The following SCYL3 variants were observed in gnomAD, a reference collection of about 807,000 sequenced individuals.
SCYL3 encodes the protein SCY1 like pseudokinase 3, also known as protein-associating with the carboxyl-terminal domain of ezrin.
SCYL3 carries 35 observed loss-of-function variants against 73.8 expected under a neutral mutation model. The ratio of observed to expected loss-of-function variants is 0.47; its 90% confidence interval spans 0.36 to 0.63. SCYL3 has a LOEUF of 0.63. Ranked by LOEUF, SCYL3 falls within the 20% of genes least tolerant of loss-of-function variation. SCYL3 has a pLI of 0.00. For synonymous variants in SCYL3, 277 were observed against 295.2 expected (o/e 0.94, Z 0.63); for missense variants, 712 against 798.9 (o/e 0.89, Z 1.31).
chr1:169,863,770 T>C (rs1190922675), intron 9 of SCYL3, among the ~76,000 whole-genome samples: 2 of 152,180 alleles, frequency 1.3e-5, no homozygotes, highest in Non-Finnish European at 2.9e-5. Flanking sequence ...TATAAGGAAA[T>C]TCTAAACTGT....
Position 169,854,252 on chromosome 1 carries a change from CT to C in SCYL3, c.2007+17del. 1 of 1,561,666 alleles carries C rather than the reference CT, an allele frequency of 6.4e-7. No individual in the cohort carries two copies. Among genetic ancestry groups the C allele is most frequent in the Non-Finnish European group, 8.7e-7 (1 of 1,154,732 alleles). The stretch of plus-strand genomic sequence containing the variant: ...ATCCTAAAGCTAGTAGCACAGTTTA[CT>C]CCATAAAAGTACTCACCTCAGTAAT... On this transcript the variant is annotated intron_variant, in intron 12 of 12. Transcript: ENST00000367771.
chr1:169,857,073 T>C (rs919271071), intron 11 of SCYL3, among the ~76,000 whole-genome samples: 1 of 152,150 alleles, frequency 6.6e-6, no homozygotes, highest in African/African-American at 2.4e-5. Flanking sequence ...AGACCAGAAA[T>C]TACTGCTACC....
chr1:169,890,879 G>A (rs1350489457), intron 1 of SCYL3, among the ~76,000 whole-genome samples: 1 of 152,236 alleles, frequency 6.6e-6, no homozygotes, highest in Non-Finnish European at 1.5e-5. Flanking sequence ...GGGACCATGG[G>A]TAAAAGCAAC....
At chr1:169,873,837 G>C in intron 4 of SCYL3, 85 bp from the exon 5 acceptor site, 1 of 929,418 alleles carries the variant, frequency 1.1e-6, no homozygotes, top group Non-Finnish European at 1.7e-6. Flanking sequence ...TAAGCAATGA[G>C]CAATGCAAAC....
chr1:169,862,409 C>T (rs577713173), intron 10 of SCYL3, among the ~76,000 whole-genome samples: 3 of 152,322 alleles, frequency 2.0e-5, no homozygotes, highest in South Asian at 4.1e-4. Context: ...TATAGTTTCT[C>T]CCAGGTTAAG....
chr1:169,881,074 T>C (rs1336901931), intron 2 of SCYL3, among the ~76,000 whole-genome samples: 1 of 152,226 alleles, frequency 6.6e-6, no homozygotes, highest in Non-Finnish European at 1.5e-5. Flanking sequence ...AGGCCACATA[T>C]TTACCTCTTC....
chr1:169,879,987 G>A (rs942348052), intron 2 of SCYL3, among the ~76,000 whole-genome samples: 17 of 151,980 alleles, frequency 1.1e-4, no homozygotes, highest in Non-Finnish European at 2.1e-4. Flanking sequence ...GATCAGAGGG[G>A]CCAGGTTTGG....
intron 5 of SCYL3, among the ~76,000 whole-genome samples, chr1:169,873,327 C>T (rs1251728625): frequency 3.9e-5 from 6 of 152,188 alleles, no homozygotes; most frequent in Non-Finnish European, 7.3e-5. Flanking sequence ...TGTGAGGCCT[C>T]CCCAGCCACA....
At chr1:169,863,399 CAGTG>C (rs1170551718) in intron 9 of SCYL3, among the ~76,000 whole-genome samples, 1 of 152,022 alleles carries the variant, frequency 6.6e-6, no homozygotes, top group Non-Finnish European at 1.5e-5. Flanking sequence ...TATGTTTAAT[CAGTG>C]AGGAATTTCA....
In SCYL3 at chr1:169,851,562, A is replaced by T; in HGVS notation, c.*2151T>A. On this transcript the variant is annotated 3_prime_UTR_variant, in exon 13 of 13. Transcript: ENST00000367771. ...TATACACTGCTGTTGCCAGTTTCTT[A>T]GCTTATACAGTAAAGGTTAGCAGAC... 4.3e-6 allele frequency: 2 copies of T among 466,774 alleles called. No individual in the cohort carries two copies. The highest frequency in any genetic ancestry group is 7.6e-6 in the Non-Finnish European group (2 of 263,786). The allele number at this position is 466,774 out of a possible 1,614,324, so 28.9% of individuals were successfully genotyped here.
At position 169,869,016 on chromosome 1, in the gene SCYL3, A is replaced by G. The variant is rs550608945; in HGVS notation, c.649T>C (p.Phe217Leu). The G allele has an allele frequency of 1.9e-6, 3 of 1,614,116 alleles. No homozygotes were observed. In the South Asian group the frequency reaches 3.3e-5, roughly 18 times the overall value. Residue 217 changes from phenylalanine to leucine, a missense_variant, in exon 7 of 13, where the codon TTT (phenylalanine) becomes CTT (leucine). By Grantham distance (22) the Phe-to-Leu change is conservative. This residue lies in a region of SCYL3 where 342 missense variants were observed against 448.1 expected (regional missense o/e 0.76). Coordinates refer to ENST00000367771, the MANE Select transcript of SCYL3 (RefSeq NM_020423.7). ...AAAGTTGAGTGCAAGGTCTGTTGAA[A>G]GCTGGAGAGAACATCCGCTGAAACT... ...EQVSADVLSS[F>L]QQTLHSTLLN...
At chr1:169,884,451 C>T (rs1231956649) in intron 2 of SCYL3, among the ~76,000 whole-genome samples, 1 of 152,094 alleles carries the variant, frequency 6.6e-6, no homozygotes, top group Non-Finnish European at 1.5e-5. Context: ...GCGCCCACCA[C>T]CATGCCTGGC....
intron 10 of SCYL3, among the ~76,000 whole-genome samples, chr1:169,861,230 G>A (rs907662664): frequency 6.6e-6 from 1 of 152,174 alleles, no homozygotes; most frequent in African/African-American, 2.4e-5. Flanking sequence ...CCCACAATGA[G>A]CCTGGGCTTT....
chr1:169,893,615 C>G (rs1186137957), intron 1 of SCYL3, among the ~76,000 whole-genome samples, 173 bp downstream of exon 1: 1 of 151,860 alleles, frequency 6.6e-6, no homozygotes, highest in African/African-American at 2.4e-5. Flanking sequence ...TGCTCCGAAG[C>G]TGAGAGCACA....
In SCYL3 at chr1:169,855,873, C is replaced by T. The variant is rs1332981036; in HGVS notation, c.1313-909G>A. 1 of 1,613,870 alleles carries T rather than the reference C, an allele frequency of 6.2e-7. No homozygotes were observed. The highest frequency in any genetic ancestry group is 8.5e-7 in the Non-Finnish European group (1 of 1,179,852). ...GATGGGCGTGCTGCCAGAAAAGAAA[C>T]ATTTAGGGAATATGCTAGAGAAGGG... On this transcript the variant is annotated intron_variant, in intron 11 of 12. Transcript: ENST00000367771.
In SCYL3 at chr1:169,852,552, T is replaced by G; in HGVS notation, c.*1161A>C. 1.9e-6 allele frequency: 1 copy of G among 523,812 alleles called. No homozygotes were observed. The highest frequency in any genetic ancestry group is 3.4e-6 in the Non-Finnish European group (1 of 295,272). 32.4% of individuals were successfully genotyped at this position (523,812 alleles called of 1,614,324 possible). A position where few individuals can be genotyped will look rare whatever the true frequency, so the allele number is the denominator to read the frequency against. On this transcript the variant is annotated 3_prime_UTR_variant, in exon 13 of 13. Transcript: ENST00000367771. ...TTGGGAGCCCTTTGGGACAGGATAC[T>G]TGTTGTATACCACATACAAACTAAG...
rs761529560 is a variant in SCYL3 at position 169,852,774 on chromosome 1, T to TATG, written c.*936_*938dup. On this transcript the variant is annotated 3_prime_UTR_variant, in exon 13 of 13. Coordinates refer to ENST00000367771, the MANE Select transcript of SCYL3 (RefSeq NM_020423.7). Reference sequence around the variant, plus strand: ...TTAGAATGGATATTGTGATATTACTTATGTTTTTTTTCCAGCCTTATGCAA... The same window carrying TATG: ...TTAGAATGGATATTGTGATATTACTTATGATGTTTTTTTTCCAGCCTTATGCAA... 26 of 1,612,290 alleles carry TATG rather than the reference T, an allele frequency of 1.6e-5. No individual in the cohort carries two copies. Among genetic ancestry groups the TATG allele is most frequent in the East Asian group, 8.9e-5 (4 of 44,884 alleles).
At position 169,873,607 on chromosome 1, in the gene SCYL3, A is replaced by G. The variant is rs1237724076; in HGVS notation, c.522+89T>C. 110 of 793,222 alleles carry G rather than the reference A, an allele frequency of 1.4e-4. 3 individuals carry two copies. The South Asian group carries it at 1.8e-3, about 13-fold the overall frequency. The allele number at this position is 793,222 out of a possible 1,614,324, so 49.1% of individuals were successfully genotyped here. ...TTATGAGGCATCTATAACTCAGTAA[A>G]GAAAGGAGTAAGCAGAGGAAAGTTT... On this transcript the variant is annotated intron_variant, in intron 5 of 12. Transcript: ENST00000367771.
At chr1:169,893,537 G>A (rs1374517805) in intron 1 of SCYL3, among the ~76,000 whole-genome samples, 1 of 152,114 alleles carries the variant, frequency 6.6e-6, no homozygotes, top group Admixed American at 6.5e-5. Context: ...GGCCGCGGGC[G>A]CCTCACCCGT....
Sources: allele counts gnomAD v4.1 joint callset (sites outside exome capture counted in the v4.1 genomes callset), GRCh38; gene constraint gnomAD v4.1.1; regional missense constraint gnomAD v4.1.1; transcripts MANE v1.5; gene names NCBI Gene and HGNC (gene_info 2026-07-23, HGNC 2026-07-21).